The following PXDNL variants were observed in gnomAD, a reference collection of about 807,000 sequenced individuals.
PXDNL encodes probable oxidoreductase PXDNL.
PXDNL carries 145 observed loss-of-function variants against 150.8 expected under a neutral mutation model. That is an observed-to-expected ratio of 0.96 (90% CI 0.84 to 1.10). The LOEUF (loss-of-function observed/expected upper bound fraction) is 1.10, where lower values mean the gene tolerates loss of function less well. Ranked by LOEUF, PXDNL falls within the 50% of genes least tolerant of loss-of-function variation. The pLI, the probability that PXDNL is intolerant of heterozygous loss-of-function variation, is 0.00. For missense variants in PXDNL, 2,087 were observed against 1,873.9 expected (o/e 1.11, Z -2.10); for synonymous variants, 757 against 725.7 (o/e 1.04, Z -0.69).
At chr8:51,684,488 C>T (rs547845332) in intron 1 of PXDNL, among the ~76,000 whole-genome samples, 3 of 152,336 alleles carry the variant, frequency 2.0e-5, no homozygotes, top group African/African-American at 7.2e-5. Flanking sequence ...CCATTTTACA[C>T]ACTGCATATG....
At chr8:51,688,358 T>C (rs1815919183) in intron 1 of PXDNL, among the ~76,000 whole-genome samples, 1 of 152,104 alleles carries the variant, frequency 6.6e-6, no homozygotes, top group Non-Finnish European at 1.5e-5. Flanking sequence ...ATAATCTGAT[T>C]TGTGTTTTAG....
intron 5 of PXDNL, among the ~76,000 whole-genome samples, chr8:51,490,266 T>C (rs1373571829): frequency 6.6e-6 from 1 of 152,106 alleles, no homozygotes; most frequent in African/African-American, 2.4e-5. Context: ...TATTTACACA[T>C]AGAGAAAGAA....
chr8:51,437,702 G>C (rs1443316092), intron 12 of PXDNL, among the ~76,000 whole-genome samples: 1 of 152,144 alleles, frequency 6.6e-6, no homozygotes. Context: ...GGTAATAAAA[G>C]CCATCTATGA....
chr8:51,496,230 A>AC (rs1198379829), intron 5 of PXDNL, among the ~76,000 whole-genome samples: 2 of 152,168 alleles, frequency 1.3e-5, no homozygotes, highest in East Asian at 3.9e-4. Context: ...AAATTCAACA[A>AC]CCTTCATGCT....
chr8:51,331,557 G>A (rs115065202), intron 21 of PXDNL, among the ~76,000 whole-genome samples: 160 of 152,212 alleles, frequency 1.1e-3, no homozygotes, highest in African/African-American at 3.7e-3. Flanking sequence ...CTTTTCTTTC[G>A]TAGCTGGGAG....
chr8:51,629,263 C>T (rs1360707006), intron 2 of PXDNL, among the ~76,000 whole-genome samples: 1 of 152,104 alleles, frequency 6.6e-6, no homozygotes, highest in Non-Finnish European at 1.5e-5. Context: ...CTGAAAAATA[C>T]AGTAGCCAAA....
chr8:51,745,894 C>G (rs1003558937), intron 1 of PXDNL, among the ~76,000 whole-genome samples: 1 of 152,188 alleles, frequency 6.6e-6, no homozygotes, highest in Admixed American at 6.5e-5. Flanking sequence ...CTCAGCCTCC[C>G]GAGTAGCTGG....
intron 17 of PXDNL, among the ~76,000 whole-genome samples, chr8:51,377,732 T>G (rs893257577): frequency 1.3e-5 from 2 of 152,172 alleles, no homozygotes; most frequent in African/African-American, 4.8e-5. Flanking sequence ...CGAATTCTCG[T>G]GGGGCCTCAG....
intron 2 of PXDNL, among the ~76,000 whole-genome samples, chr8:51,594,818 G>A (rs1159334706): frequency 6.6e-6 from 1 of 151,832 alleles, no homozygotes. Context: ...TATAGAAACG[G>A]TCATTTATGT....
chr8:51,596,933 G>A (rs758882137), intron 2 of PXDNL, among the ~76,000 whole-genome samples: 5 of 152,004 alleles, frequency 3.3e-5, no homozygotes, highest in Non-Finnish European at 7.4e-5. Flanking sequence ...GTTGATTTTT[G>A]TTTTCTTTGC....
chr8:51,340,430 G>C (rs879881853), intron 20 of PXDNL, among the ~76,000 whole-genome samples: 3 of 152,146 alleles, frequency 2.0e-5, no homozygotes, highest in Non-Finnish European at 4.4e-5. Context: ...TTTTTAGATA[G>C]ATTTGATTTA....
rs1809860961 is a variant in PXDNL, at chr8:51,453,658, C to G, written c.1110G>C (p.Glu370Asp). 6.2e-7 allele frequency: 1 copy of G among 1,613,906 alleles called. No individual in the cohort carries two copies. Residue 370 changes from glutamate to aspartate, a missense_variant, in exon 10 of 23, where the codon GAG (glutamate) becomes GAC (aspartate). Glu to Asp is a conservative substitution (Grantham distance 45, BLOSUM62 2). Transcript: ENST00000356297. Reference sequence around the variant, plus strand: ...TTGCCACGTGCCTGGATCCATCCAGCTCCAATCCATTGTCCCTGGTCCAAG... The same window carrying G: ...TTGCCACGTGCCTGGATCCATCCAGGTCCAATCCATTGTCCCTGGTCCAAG... ...LITWTRDNGL[E>D]LDGSRHVATS...
At chr8:51,382,204 G>C (rs890133050) in intron 17 of PXDNL, among the ~76,000 whole-genome samples, 1 of 152,120 alleles carries the variant, frequency 6.6e-6, no homozygotes, top group African/African-American at 2.4e-5. Context: ...TCCTACAGCA[G>C]AGGCAGGGAC....
chr8:51,601,105 C>A (rs190476205), intron 2 of PXDNL, among the ~76,000 whole-genome samples: 1 of 149,646 alleles, frequency 6.7e-6, no homozygotes, highest in East Asian at 2.0e-4. Flanking sequence ...AATTTTGATT[C>A]TTTTAAAATT....
At chr8:51,322,020 A>G (rs1048601456) in intron 21 of PXDNL, among the ~76,000 whole-genome samples, 1 of 152,120 alleles carries the variant, frequency 6.6e-6, no homozygotes, top group Non-Finnish European at 1.5e-5. Context: ...GTGTCCTTGT[A>G]AAAAAGAGGA....
chr8:51,605,153 G>T (rs1007430784), intron 2 of PXDNL, among the ~76,000 whole-genome samples: 14 of 151,870 alleles, frequency 9.2e-5, no homozygotes, highest in African/African-American at 3.4e-4. Flanking sequence ...TATTATTCTA[G>T]GACATATTTA....
At position 51,483,630 on chromosome 8, in the gene PXDNL, T is replaced by G; in HGVS notation, c.524+13A>C. 6.8e-7 allele frequency: 1 copy of G among 1,478,214 alleles called. No individual in the cohort carries two copies. Among genetic ancestry groups the G allele is most frequent in the South Asian group, 1.2e-5 (1 of 80,134 alleles). The allele number at this position is 1,478,214 out of a possible 1,614,324, so 91.6% of individuals were successfully genotyped here. On this transcript the variant is annotated intron_variant, in intron 6 of 22. Coordinates refer to ENST00000356297, the MANE Select transcript of PXDNL (RefSeq NM_144651.5). ...TAAAAGGTTTTTGTGTTAATGCACT[T>G]GCTTTCACTTACAATCTTTTTAATG...
At chr8:51,728,952 G>C (rs1403650928) in intron 1 of PXDNL, among the ~76,000 whole-genome samples, 1 of 152,084 alleles carries the variant, frequency 6.6e-6, no homozygotes, top group South Asian at 2.1e-4. Flanking sequence ...CCCTACATAG[G>C]TGTACCAGTT....
chr8:51,763,635 C>A (rs986071291), intron 1 of PXDNL, among the ~76,000 whole-genome samples: 1 of 152,210 alleles, frequency 6.6e-6, no homozygotes, highest in South Asian at 2.1e-4. Flanking sequence ...CGTTCCCGCT[C>A]TAAAGCTTTT....
Sources: allele counts gnomAD v4.1 joint callset (sites outside exome capture counted in the v4.1 genomes callset), GRCh38; gene constraint gnomAD v4.1.1; transcripts MANE v1.5; gene names NCBI Gene and HGNC (gene_info 2026-07-23, HGNC 2026-07-21).